The following CADPS2 variants were observed in gnomAD, a reference collection of about 807,000 sequenced individuals.
CADPS2 encodes calcium-dependent secretion activator 2.
In CADPS2, 93 loss-of-function variants were observed where a neutral mutation model predicts 172.5. That is an observed-to-expected ratio of 0.54 (90% CI 0.46 to 0.64). The LOEUF is 0.64. CADPS2 is among the 30% of genes least tolerant of loss of function. CADPS2 has a pLI of 0.00. For missense variants in CADPS2, 1,420 were observed against 1,565.9 expected (o/e 0.91, Z 1.57); for synonymous variants, 546 against 555.2 (o/e 0.98, Z 0.23).
At chr7:122,429,447 G>A (rs987253673) in intron 17 of CADPS2, among the ~76,000 whole-genome samples, 1 of 151,148 alleles carries the variant, frequency 6.6e-6, no homozygotes, top group African/African-American at 2.4e-5. Context: ...TAAAGAAAAA[G>A]ACAACAGGTT....
At chr7:122,784,898 C>A (rs2139502462) in intron 1 of CADPS2, among the ~76,000 whole-genome samples, 1 of 152,142 alleles carries the variant, frequency 6.6e-6, no homozygotes, top group African/African-American at 2.4e-5. Context: ...TAATTATTAC[C>A]TTTCCTATTT....
rs778615004 is a variant in CADPS2 at position 122,491,236 on chromosome 7, T to C, written c.1651+76A>G. On this transcript the variant is annotated intron_variant, in intron 10 of 29. Transcript: ENST00000449022. ...TATTCATCGAGAGGGGTTTAAATTG[T>C]AGAACAGACAAAGGATATTTATAAG... The C allele has an allele frequency of 1.3e-5, 12 of 926,612 alleles. No homozygotes were observed. In the Middle Eastern group the frequency reaches 6.7e-4, roughly 51 times the overall value. 57.4% of individuals were successfully genotyped at this position (926,612 alleles called of 1,614,324 possible). A position where few individuals can be genotyped will look rare whatever the true frequency, so the allele number is the denominator to read the frequency against.
At chr7:122,515,636 C>T (rs1226250279) in intron 8 of CADPS2, among the ~76,000 whole-genome samples, 1 of 152,000 alleles carries the variant, frequency 6.6e-6, no homozygotes, top group African/African-American at 2.4e-5. Flanking sequence ...TGTTGGGCAA[C>T]TGGGTCATAT....
At chr7:122,541,199 A>ATTT (rs35364064) in intron 8 of CADPS2, among the ~76,000 whole-genome samples, 2 of 138,124 alleles carry the variant, frequency 1.4e-5, no homozygotes, top group Non-Finnish European at 1.6e-5. Flanking sequence ...TTATGAGATG[A>ATTT]TTTTTTTTTT....
At chr7:122,746,051 T>G (rs965507754) in intron 1 of CADPS2, among the ~76,000 whole-genome samples, 7 of 152,086 alleles carry the variant, frequency 4.6e-5, no homozygotes, top group African/African-American at 1.7e-4. Context: ...AATAAGGCAG[T>G]AAAAATAGAC....
intron 17 of CADPS2, among the ~76,000 whole-genome samples, chr7:122,421,427 C>T (rs2048516058): frequency 6.6e-6 from 1 of 152,136 alleles, no homozygotes; most frequent in Non-Finnish European, 1.5e-5. Flanking sequence ...TCCAATACTG[C>T]CCTATCTTCT....
In CADPS2 at chr7:122,737,028, T is replaced by C. The variant is rs2092203411; in HGVS notation, c.380A>G (p.Gln127Arg). The C allele has an allele frequency of 6.2e-7, 1 of 1,611,994 alleles. No individual in the cohort carries two copies. The highest frequency in any genetic ancestry group is 8.5e-7 in the Non-Finnish European group (1 of 1,178,246). The change falls in exon 2 of 30, where the codon CAG becomes CGG. Residue 127 changes from glutamine (Q) to arginine (R), a missense_variant. Coordinates refer to ENST00000449022, the MANE Select transcript of CADPS2 (RefSeq NM_017954.11). ...QQLQLLKERF[Q>R]AFLNGETQIV... is the part of the protein sequence containing the mutation. The stretch of plus-strand genomic sequence containing the variant: ...TTGGGTTTCCCCATTGAGGAAGGCC[T>C]GGAACCGTTCTTTCAGTAACTGCAA...
At chr7:122,405,956 C>A (rs1008346635) in intron 20 of CADPS2, among the ~76,000 whole-genome samples, 4 of 152,126 alleles carry the variant, frequency 2.6e-5, no homozygotes, top group African/African-American at 9.7e-5. Flanking sequence ...ATAGATATAG[C>A]ACCTAGAGTT....
chr7:122,578,012 T>C (rs2068265543), intron 7 of CADPS2, among the ~76,000 whole-genome samples: 2 of 151,874 alleles, frequency 1.3e-5, no homozygotes, highest in Admixed American at 6.6e-5. Flanking sequence ...TGTCAGATCA[T>C]GTAAGGTTTT....
intron 1 of CADPS2, among the ~76,000 whole-genome samples, chr7:122,788,558 CA>C (rs1794578423): frequency 6.6e-6 from 1 of 152,144 alleles, no homozygotes; most frequent in Non-Finnish European, 1.5e-5. Flanking sequence ...CCGCCCTTCT[CA>C]AAAAATCCTA....
chr7:122,660,174 T>C (rs1172639739), intron 3 of CADPS2, among the ~76,000 whole-genome samples: 1 of 152,110 alleles, frequency 6.6e-6, no homozygotes, highest in Non-Finnish European at 1.5e-5. Flanking sequence ...AGAAAGAATA[T>C]ATTGGGGGTT....
At chr7:122,467,370 C>A (rs532337703) in intron 14 of CADPS2, among the ~76,000 whole-genome samples, 16 of 152,270 alleles carry the variant, frequency 1.1e-4, no homozygotes, top group African/African-American at 3.1e-4. Context: ...CACACTGTCT[C>A]TAAAATTACA....
intron 6 of CADPS2, among the ~76,000 whole-genome samples, chr7:122,582,217 A>G (rs2068926165): frequency 6.6e-6 from 1 of 152,082 alleles, no homozygotes; most frequent in Non-Finnish European, 1.5e-5. Context: ...AAACAAAACA[A>G]TTCACCATTT....
chr7:122,785,664 T>C lies in CADPS2; in HGVS notation c.340-48596A>G, dbSNP rs935356797. Among the ~76,000 whole-genome samples, 7 of 152,282 alleles carry C rather than the reference T, an allele frequency of 4.6e-5. No individual in the cohort carries two copies. In the South Asian group the frequency reaches 6.2e-4, roughly 14 times the overall value. On this transcript the variant is annotated intron_variant, in intron 1 of 29. Transcript: ENST00000449022. ...GGACATGGATAATCCTATCTACCCATTGAGGTCCTTTCTTGGGTTTTGTGG... is the reference window on the plus strand; with the variant it reads ...GGACATGGATAATCCTATCTACCCACTGAGGTCCTTTCTTGGGTTTTGTGG...
At chr7:122,798,060 A>T (rs1047927146) in intron 1 of CADPS2, among the ~76,000 whole-genome samples, 8 of 151,858 alleles carry the variant, frequency 5.3e-5, no homozygotes, top group Admixed American at 1.3e-4. Flanking sequence ...AGCAAGTTCA[A>T]TTTTATGCAA....
At chr7:122,561,746 T>G (rs914990548) in intron 7 of CADPS2, among the ~76,000 whole-genome samples, 3 of 152,160 alleles carry the variant, frequency 2.0e-5, no homozygotes, top group East Asian at 3.9e-4. Flanking sequence ...CCTGATGTTC[T>G]GATACATAGT....
chr7:122,720,166 T>C (rs940661679), intron 2 of CADPS2, among the ~76,000 whole-genome samples: 2 of 152,024 alleles, frequency 1.3e-5, no homozygotes, highest in Admixed American at 1.3e-4. Flanking sequence ...CAATCAGACC[T>C]AACGAGTCAT....
At chr7:122,323,948 T>A (rs1488027292) in intron 29 of CADPS2, among the ~76,000 whole-genome samples, 1 of 144,690 alleles carries the variant, frequency 6.9e-6, no homozygotes, top group African/African-American at 2.6e-5. Context: ...CTGACTCTCT[T>A]TTCTGAAGAA....
chr7:122,320,062 AT>A lies in CADPS2; in HGVS notation c.*102del. The A allele has an allele frequency of 5.2e-6, 6 of 1,155,020 alleles. No homozygotes were observed. The highest frequency in any genetic ancestry group is 6.8e-6 in the Non-Finnish European group (6 of 876,342). The allele number at this position is 1,155,020 out of a possible 1,614,324, so 71.5% of individuals were successfully genotyped here. A position where few individuals can be genotyped will look rare whatever the true frequency, so the allele number is the denominator to read the frequency against. The stretch of plus-strand genomic sequence containing the variant: ...TTTTTAAAGAAATACAAGCATTTTT[AT>A]TTGGCCAAAACAAACAATGAATGTA... On this transcript the variant is annotated 3_prime_UTR_variant, in exon 30 of 30. Coordinates refer to ENST00000449022, the MANE Select transcript of CADPS2 (RefSeq NM_017954.11).
Sources: allele counts gnomAD v4.1 joint callset (sites outside exome capture counted in the v4.1 genomes callset), GRCh38; gene constraint gnomAD v4.1.1; transcripts MANE v1.5; gene names NCBI Gene and HGNC (gene_info 2026-07-23, HGNC 2026-07-21).